The following PCDH11X variants were observed in gnomAD, a reference collection of about 807,000 sequenced individuals.
The protein encoded by PCDH11X is protocadherin-11 X-linked.
A neutral mutation model predicts 53.3 loss-of-function variants in PCDH11X; 18 were observed. The observed-to-expected ratio is 0.34, with a 90% CI of 0.23 to 0.50. The LOEUF (loss-of-function observed/expected upper bound fraction) is 0.50, where lower values mean the gene tolerates loss of function less well. Among genes scored for constraint, PCDH11X ranks in the 20% least tolerant of loss-of-function variants. The pLI is 0.98. For synonymous variants in PCDH11X, 279 were observed against 393.3 expected, an observed-to-expected ratio of 0.71 and a Z score of 3.44; for missense variants, 570 against 1,032.4, an observed-to-expected ratio of 0.55 and a Z score of 6.14.
At chrX:92,395,055 A>G (rs896881866) in intron 9 of PCDH11X, among the ~76,000 whole-genome samples, 3 of 111,468 alleles carry the variant, frequency 2.7e-5, no homozygotes, top group African/African-American at 9.7e-5. Flanking sequence ...GTGTTCGCTT[A>G]GCCAATTTTT....
chrX:92,466,333 A>C (rs1238058756), intron 9 of PCDH11X, among the ~76,000 whole-genome samples: 5 of 109,955 alleles, frequency 4.5e-5, no homozygotes, highest in Non-Finnish European at 9.5e-5. Flanking sequence ...ATAAACCTTT[A>C]AACCTTAATT....
intron 6 of PCDH11X, among the ~76,000 whole-genome samples, chrX:92,010,663 T>A (rs2062673928): frequency 9.1e-6 from 1 of 110,381 alleles, no homozygotes. Flanking sequence ...GCATAGATAT[T>A]GTCTCTGTTT....
intron 6 of PCDH11X, among the ~76,000 whole-genome samples, chrX:91,987,260 T>A (rs1195670186): frequency 1.8e-5 from 2 of 110,682 alleles, no homozygotes; most frequent in East Asian, 5.7e-4. Context: ...AATTTTTGTA[T>A]TTTTAGTAGA....
At chrX:92,100,669 G>A (rs761510778) in intron 6 of PCDH11X, among the ~76,000 whole-genome samples, 9 of 111,131 alleles carry the variant, frequency 8.1e-5, no homozygotes, top group African/African-American at 3.0e-4. Context: ...CGATGGCTTG[G>A]CTTGGGCTCA....
At chrX:92,330,441 G>A (rs1038545144) in intron 8 of PCDH11X, among the ~76,000 whole-genome samples, 6 of 111,233 alleles carry the variant, frequency 5.4e-5, no homozygotes, top group African/African-American at 1.3e-4. Flanking sequence ...TATTGGTGAG[G>A]ATGTGGAGCA....
At chrX:92,590,569 C>T (rs1178226523) in intron 10 of PCDH11X, among the ~76,000 whole-genome samples, 1 of 110,571 alleles carries the variant, frequency 9.0e-6, no homozygotes, top group Non-Finnish European at 1.9e-5. Flanking sequence ...GCACTACCAT[C>T]ACCTCCACCC....
At chrX:92,189,047 T>A (rs969422266) in intron 6 of PCDH11X, among the ~76,000 whole-genome samples, 1 of 111,183 alleles carries the variant, frequency 9.0e-6, no homozygotes, top group African/African-American at 3.3e-5. Context: ...TAATATAAAT[T>A]AATATATACA....
At chrX:91,962,417 A>G (rs956773696) in intron 6 of PCDH11X, among the ~76,000 whole-genome samples, 20 of 112,735 alleles carry the variant, frequency 1.8e-4, no homozygotes, top group East Asian at 8.5e-4. Context: ...CTTTGAATCC[A>G]AGTCTCACAT....
chrX:92,586,274 C>T (rs945063208), intron 10 of PCDH11X, among the ~76,000 whole-genome samples: 6 of 106,385 alleles, frequency 5.6e-5, no homozygotes, highest in South Asian at 4.3e-4. Flanking sequence ...TTTCATTGAC[C>T]GAGAATTGTG....
At chrX:92,250,145 A>G (rs1398317242) in intron 7 of PCDH11X, among the ~76,000 whole-genome samples, 1 of 111,954 alleles carries the variant, frequency 8.9e-6, no homozygotes, top group Non-Finnish European at 1.9e-5. Flanking sequence ...CTTTTTTGAC[A>G]AATGTCACTT....
chrX:92,248,696 T>G (rs754079948), intron 7 of PCDH11X, among the ~76,000 whole-genome samples: 1 of 111,354 alleles, frequency 9.0e-6, no homozygotes, highest in African/African-American at 3.3e-5. Flanking sequence ...AATTTTATTT[T>G]ATTTTATTTA....
At chrX:92,528,076 T>C (rs765784743) in intron 10 of PCDH11X, among the ~76,000 whole-genome samples, 8 of 111,624 alleles carry the variant, frequency 7.2e-5, no homozygotes, top group Admixed American at 2.9e-4. Context: ...CAGAATGAGA[T>C]TGATAACTGG....
chrX:91,852,659 A>G (rs1602363078), intron 5 of PCDH11X, among the ~76,000 whole-genome samples: 1 of 111,343 alleles, frequency 9.0e-6, no homozygotes, highest in East Asian at 2.8e-4. Flanking sequence ...TTGAAGCTAG[A>G]TAATTCTTCC....
Position 92,622,677 on chromosome X carries a change from T to C in PCDH11X, c.*3737T>C, listed in dbSNP as rs1928596117. 1 of 111,048 alleles carries C rather than the reference T, an allele frequency of 9.0e-6. No individual in the cohort carries two copies. Among genetic ancestry groups the C allele is most frequent in the Middle Eastern group, 4.7e-3 (1 of 215 alleles). The allele number at this position is 111,048 out of a possible 1,213,427, so 9.2% of individuals were successfully genotyped here. The stretch of plus-strand genomic sequence containing the variant: ...CATGGGAGCAAGAGAAGCTGAAATA[T>C]ATTTCTGCAAGAACCTTTCTATATT... On this transcript the variant is annotated 3_prime_UTR_variant, in exon 11 of 11. Transcript: ENST00000682573.
intron 6 of PCDH11X, among the ~76,000 whole-genome samples, chrX:92,157,779 G>T (rs111605103): frequency 0.066 from 7,271 of 110,777 alleles, 592 homozygotes; most frequent in African/African-American, 0.23. Context: ...TTTTCTTTTA[G>T]AATTTTTTGT....
Position 91,978,952 on chromosome X carries a change from T to C in PCDH11X, c.3033+99679T>C, listed in dbSNP as rs1007265446. Among the ~76,000 whole-genome samples, 5 of 111,887 alleles carry C rather than the reference T, an allele frequency of 4.5e-5. No homozygotes were observed. The South Asian group carries it at 1.5e-3, about 33-fold the overall frequency. On this transcript the variant is annotated intron_variant, in intron 6 of 10. Transcript: ENST00000682573. ...ATGGTATGTGTAATTCAGTACTTCA[T>C]ATCTGCATTTATTATTGTATATGAG... is the stretch of plus-strand genomic sequence containing the variant.
At chrX:92,032,204 C>T (rs1305773766) in intron 6 of PCDH11X, among the ~76,000 whole-genome samples, 1 of 110,878 alleles carries the variant, frequency 9.0e-6, no homozygotes, top group East Asian at 2.8e-4. Flanking sequence ...TTCAGTTCTT[C>T]GGTTAGGTTA....
intron 7 of PCDH11X, among the ~76,000 whole-genome samples, chrX:92,206,359 A>G (rs2066476080): frequency 9.0e-6 from 1 of 111,559 alleles, no homozygotes; most frequent in East Asian, 2.8e-4. Context: ...TAAAAGCAAT[A>G]TTCTGAAAAT....
intron 6 of PCDH11X, among the ~76,000 whole-genome samples, chrX:92,197,945 T>G (rs2066318863): frequency 8.9e-6 from 1 of 112,011 alleles, no homozygotes; most frequent in African/African-American, 3.2e-5. Context: ...CTCTGGATTC[T>G]TTTTTTGCTA....
Sources: allele counts gnomAD v4.1 joint callset (sites outside exome capture counted in the v4.1 genomes callset), GRCh38; gene constraint gnomAD v4.1.1; transcripts MANE v1.5; gene names NCBI Gene and HGNC (gene_info 2026-07-23, HGNC 2026-07-21).